Variants in MFAP1 observed in about 807,000 individuals in gnomAD.
The protein encoded by MFAP1 is microfibrillar-associated protein 1.
A neutral mutation model predicts 62.2 loss-of-function variants in MFAP1; 18 were observed. That is an observed-to-expected ratio of 0.29 (90% CI 0.20 to 0.43). The LOEUF (loss-of-function observed/expected upper bound fraction) is 0.43. MFAP1 is among the 20% of genes least tolerant of loss of function. The pLI is 1.00. For missense variants in MFAP1, 355 were observed against 559.7 expected (o/e 0.63, Z 3.69); for synonymous variants, 175 against 180.4 (o/e 0.97, Z 0.24).
Position 43,818,534 on chromosome 15 carries a change from A to C in MFAP1, c.80-1086T>G, listed in dbSNP as rs1444545481. 3.3e-5 allele frequency among the ~76,000 whole-genome samples: 5 copies of C among 151,102 alleles called. No individual in the cohort carries two copies. In the East Asian group the frequency reaches 7.8e-4, roughly 23 times the overall value. ...AAAAAAAAAGAAACAAAAAAAAAAA[A>C]CCCCTAGACCAACACAACTTATTAG... On this transcript the variant is annotated intron_variant, in intron 1 of 8. Transcript: ENST00000267812.
intron 2 of MFAP1, among the ~76,000 whole-genome samples, chr15:43,816,596 T>C (rs1323128291): frequency 1.3e-5 from 2 of 152,304 alleles, no homozygotes; most frequent in African/African-American, 2.4e-5. Context: ...TAAATACTTA[T>C]TAAGTTACTT....
At chr15:43,824,325 AG>A (rs2087485513) in intron 1 of MFAP1, among the ~76,000 whole-genome samples, 165 bp downstream of exon 1, 1 of 152,100 alleles carries the variant, frequency 6.6e-6, no homozygotes, top group East Asian at 1.9e-4. Context: ...AGCAGGCCAC[AG>A]GAACAAGATC....
intron 7 of MFAP1, among the ~76,000 whole-genome samples, chr15:43,807,373 C>A (rs1011372257): frequency 6.8e-6 from 1 of 147,906 alleles, no homozygotes; most frequent in Non-Finnish European, 1.5e-5. Flanking sequence ...TTTTTTGATA[C>A]AGTCTCACTC....
Position 43,817,326 on chromosome 15 carries a change from C to T in MFAP1, c.202G>A (p.Glu68Lys), listed in dbSNP as rs1234812792. 2 of 1,614,140 alleles carry T rather than the reference C, an allele frequency of 1.2e-6. No individual in the cohort carries two copies. The highest frequency in any genetic ancestry group is 4.5e-5 in the East Asian group (2 of 44,876). ...TGTTCCTCAGGCTCTGCTTCTTGTT[C>T]TTTGGCTTTCTTAATGAACTGAAAT... ...EEFQFIKKAK[E>K]QEAEPEEQEE... Residue 68 changes from glutamate to lysine, a missense_variant, in exon 2 of 9, where the codon GAA becomes AAA. By Grantham distance (56) the Glu-to-Lys change is moderately conservative (BLOSUM62 1). Coordinates refer to ENST00000267812, the MANE Select transcript of MFAP1 (RefSeq NM_005926.3).
At chr15:43,820,510 G>A (rs991910648) in intron 1 of MFAP1, among the ~76,000 whole-genome samples, 2 of 152,096 alleles carry the variant, frequency 1.3e-5, no homozygotes, top group Non-Finnish European at 2.9e-5. Flanking sequence ...ATAACAAATA[G>A]ATAAAAGAGT....
At chr15:43,817,955 C>A (rs920043765) in intron 1 of MFAP1, among the ~76,000 whole-genome samples, 1 of 151,608 alleles carries the variant, frequency 6.6e-6, no homozygotes, top group African/African-American at 2.4e-5. Flanking sequence ...TTTCTACCTT[C>A]TTTTCCTTTA....
chr15:43,824,428 C>T, intron 1 of MFAP1, 63 bp downstream of exon 1: 1 of 1,565,102 alleles, frequency 6.4e-7, no homozygotes, highest in Non-Finnish European at 8.8e-7. Context: ...CGGGAGAGGT[C>T]TGGAGGTTGC....
intron 1 of MFAP1, among the ~76,000 whole-genome samples, chr15:43,819,150 G>A (rs2087452388): frequency 6.6e-6 from 1 of 152,060 alleles, no homozygotes; most frequent in Non-Finnish European, 1.5e-5. Flanking sequence ...CTGAGATCGT[G>A]CTACTGCACT....
Position 43,817,284 on chromosome 15 carries a change from T to C in MFAP1, c.244A>G (p.Ser82Gly), listed in dbSNP as rs955282659. The C allele has an allele frequency of 1.2e-6, 2 of 1,614,052 alleles. No individual in the cohort carries two copies. Among genetic ancestry groups the C allele is most frequent in the Non-Finnish European group, 1.7e-6 (2 of 1,180,038 alleles). ...TGTAAACGCCGTAGCCGGGGGTCAC[T>C]GGATGAATCCTCCTCCTGTTCCTCA... ...EPEEQEEDSS[S>G]DPRLRRLQNR... The change falls in exon 2 of 9, where the codon AGT becomes GGT. Residue 82 changes from serine to glycine, a missense_variant. Transcript: ENST00000267812.
At chr15:43,811,227 C>T (rs1197740895) in intron 6 of MFAP1, among the ~76,000 whole-genome samples, 2 of 150,244 alleles carry the variant, frequency 1.3e-5, no homozygotes, top group East Asian at 2.1e-4. Flanking sequence ...CCAGCCTGGC[C>T]GACATGGTGA....
chr15:43,805,596 C>T (rs2087357610), intron 7 of MFAP1, 131 bp from the exon 8 acceptor site: 2 of 669,720 alleles, frequency 3.0e-6, no homozygotes, highest in Non-Finnish European at 4.8e-6. Flanking sequence ...GAGCTTACAT[C>T]TAGTTGAAGA....
At position 43,805,282 on chromosome 15, in the gene MFAP1, G is replaced by C; in HGVS notation, c.1138-6C>G. 6.3e-7 allele frequency: 1 copy of C among 1,595,350 alleles called. No homozygotes were observed. Among genetic ancestry groups the C allele is most frequent in the East Asian group, 2.2e-5 (1 of 44,456 alleles). On this transcript the variant is annotated splice_polypyrimidine_tract_variant and splice_region_variant and intron_variant, in intron 8 of 8. Transcript: ENST00000267812. ...GAGCGTCCAAAGTTCTTGACCTGAG[G>C]GAAGGATGGATGATGAGTTATACCA...
intron 2 of MFAP1, among the ~76,000 whole-genome samples, chr15:43,816,245 C>CT (rs2087433082): frequency 8.0e-5 from 8 of 100,048 alleles, no homozygotes; most frequent in South Asian, 3.6e-4. Context: ...TTTCTTTTTT[C>CT]TTTTCTTTTT....
intron 1 of MFAP1, among the ~76,000 whole-genome samples, chr15:43,820,666 C>T (rs2087461879): frequency 1.3e-5 from 2 of 152,184 alleles, no homozygotes; most frequent in East Asian, 1.9e-4. Context: ...AGTGCGGTGG[C>T]GCAATCATGG....
intron 1 of MFAP1, 30 bp from the exon 2 acceptor site, chr15:43,817,478 T>C (rs770068889): frequency 4.7e-5 from 75 of 1,610,580 alleles, no homozygotes; most frequent in Non-Finnish European, 6.2e-5. Context: ...TATGTTTCAG[T>C]AGCCTCTTTC....
intron 4 of MFAP1, 109 bp from the exon 5 acceptor site, chr15:43,813,466 C>A: frequency 4.8e-5 from 42 of 874,634 alleles, no homozygotes; most frequent in Non-Finnish European, 5.6e-5. Context: ...ATCTTTGGCT[C>A]TATTATTTTC....
chr15:43,824,667 C>G lies in MFAP1; in HGVS notation c.-98G>C. On this transcript the variant is annotated 5_prime_UTR_variant, in exon 1 of 9. Transcript: ENST00000267812. ...AGAAGAAATTCCTTCCACCTGAGTC[C>G]GCGAACACAGCTGCGCGACTGATAG... 1.6e-6 allele frequency: 2 copies of G among 1,242,830 alleles called. No individual in the cohort carries two copies. Among genetic ancestry groups the G allele is most frequent in the Admixed American group, 3.7e-5 (2 of 54,120 alleles). 77.0% of individuals were successfully genotyped at this position (1,242,830 alleles called of 1,614,324 possible).
At chr15:43,811,293 T>G (rs1012197884) in intron 6 of MFAP1, among the ~76,000 whole-genome samples, 38 of 149,976 alleles carry the variant, frequency 2.5e-4, no homozygotes, top group African/African-American at 8.8e-4. Flanking sequence ...CATATACCTG[T>G]AGTCCCAGCT....
chr15:43,808,833 A>T (rs941298801), intron 7 of MFAP1, among the ~76,000 whole-genome samples: 3 of 152,230 alleles, frequency 2.0e-5, no homozygotes, highest in Non-Finnish European at 4.4e-5. Context: ...TGAAAAAGCT[A>T]GTCTAGTTTT....
Sources: allele counts gnomAD v4.1 joint callset (sites outside exome capture counted in the v4.1 genomes callset), GRCh38; gene constraint gnomAD v4.1.1; transcripts MANE v1.5; gene names NCBI Gene and HGNC (gene_info 2026-07-23, HGNC 2026-07-21).